CPNE5: variants seen among roughly 807,000 people sequenced by gnomAD.
The protein encoded by CPNE5 is copine 5.
A neutral mutation model predicts 81.1 loss-of-function variants in CPNE5; 42 were observed. The observed-to-expected ratio is 0.52, with a 90% CI of 0.40 to 0.67. The LOEUF (loss-of-function observed/expected upper bound fraction) is 0.67. Ranked by LOEUF, CPNE5 falls within the 30% of genes least tolerant of loss-of-function variation. The probability of loss-of-function intolerance (pLI) is 0.00; values close to 1 mark genes in which losing one functional copy is unlikely to be tolerated. For synonymous variants in CPNE5, 313 were observed against 321.5 expected, an observed-to-expected ratio of 0.97 and a Z score of 0.28; for missense variants, 612 against 815.5, an observed-to-expected ratio of 0.75 and a Z score of 3.04.
At chr6:36,815,472 C>T (rs921028886) in intron 3 of CPNE5, among the ~76,000 whole-genome samples, 1 of 152,172 alleles carries the variant, frequency 6.6e-6, no homozygotes, top group African/African-American at 2.4e-5. Context: ...CATGAATGGG[C>T]TTAGAGTGTG....
Position 36,744,344 on chromosome 6 carries a change from G to A in CPNE5, c.1432-19C>T, listed in dbSNP as rs1345617315. 3 of 1,572,108 alleles carry A rather than the reference G, an allele frequency of 1.9e-6. No individual in the cohort carries two copies. On this transcript the variant is annotated intron_variant, in intron 18 of 20. Coordinates refer to ENST00000244751, the MANE Select transcript of CPNE5 (RefSeq NM_020939.2). ...TGGCAGCCTGGGAGACAGCATGGGG[G>A]GCAGGGAAAGGTTGGACCCAATTGG...
intron 15 of CPNE5, among the ~76,000 whole-genome samples, chr6:36,747,255 C>G (rs964981362): frequency 2.5e-5 from 2 of 78,546 alleles, no homozygotes; most frequent in African/African-American, 4.5e-5. Context: ...CTTGATTTCC[C>G]CCCCCAGAGC....
chr6:36,753,796 C>T (rs1045086196), intron 13 of CPNE5, among the ~76,000 whole-genome samples: 5 of 152,338 alleles, frequency 3.3e-5, no homozygotes, highest in African/African-American at 1.2e-4. Flanking sequence ...AGCTCATTAT[C>T]ATAACAATTT....
At chr6:36,748,099 A>T in intron 15 of CPNE5, 122 bp downstream of exon 15, 1 of 891,820 alleles carries the variant, frequency 1.1e-6, no homozygotes, top group Non-Finnish European at 1.9e-6. Context: ...ACCTAGGTAC[A>T]TCCTCTTTGG....
At chr6:36,799,399 T>A (rs1048987747) in intron 4 of CPNE5, among the ~76,000 whole-genome samples, 2 of 152,084 alleles carry the variant, frequency 1.3e-5, no homozygotes, top group Admixed American at 1.3e-4. Flanking sequence ...CAAAGACTTT[T>A]CAAACCATCC....
chr6:36,828,738 G>T (rs113936259), intron 1 of CPNE5, among the ~76,000 whole-genome samples: 2,999 of 152,300 alleles, frequency 0.02, 79 homozygotes, highest in East Asian at 0.1. Context: ...TCAAGAAAAG[G>T]TGGTGTATCT....
At position 36,758,415 on chromosome 6, in the gene CPNE5, AT is replaced by A. The variant is rs72371807; in HGVS notation, c.856-2118del. Among the ~76,000 whole-genome samples, 414 of 139,998 alleles carry A rather than the reference AT, an allele frequency of 3.0e-3. 5 individuals carry two copies. In the East Asian group the frequency reaches 0.034, roughly 12 times the overall value. 91.8% of individuals were successfully genotyped at this position (139,998 alleles called of 152,430 possible). A position where few individuals can be genotyped will look rare whatever the true frequency, so the allele number is the denominator to read the frequency against. ...CAGGTAGCTGCCACCATGTCTGGCTATTTTTTTTTTTTTGGTAGAGATAGGA... is the reference window on the plus strand; with the variant it reads ...CAGGTAGCTGCCACCATGTCTGGCTATTTTTTTTTTTTGGTAGAGATAGGA... On this transcript the variant is annotated intron_variant, in intron 12 of 20. Transcript: ENST00000244751.
intron 6 of CPNE5, among the ~76,000 whole-genome samples, chr6:36,797,050 G>A (rs901660308): frequency 1.3e-5 from 2 of 152,152 alleles, no homozygotes; most frequent in African/African-American, 2.4e-5. Context: ...GACTACAGGT[G>A]TGCACCACCA....
chr6:36,829,860 AAAAAAAAAAT>A (rs1772835938), intron 1 of CPNE5, among the ~76,000 whole-genome samples: 1 of 147,680 alleles, frequency 6.8e-6, no homozygotes, highest in Non-Finnish European at 1.5e-5. Flanking sequence ...CAAAAAAAAA[AAAAAAAAAAT>A]ACCCAACAGG....
chr6:36,832,203 A>T (rs1432034500), intron 1 of CPNE5, among the ~76,000 whole-genome samples: 2 of 152,218 alleles, frequency 1.3e-5, no homozygotes, highest in East Asian at 3.8e-4. Flanking sequence ...AGCAGGCCTC[A>T]GAGATGCAAA....
At chr6:36,742,797 G>A (rs546823146) in intron 20 of CPNE5, 8 of 985,388 alleles carry the variant, frequency 8.1e-6, no homozygotes, top group South Asian at 4.7e-5. Flanking sequence ...AGGTGCTTCC[G>A]AAATGCCAAC....
rs1763573680 is a variant in CPNE5, at chr6:36,741,308, G to A, written c.*960C>T. ...CTTGTGGTACAGACATGGAAACTGA[G>A]GCCCAAAAGGTAGAAGGGCCTTGCT... On this transcript the variant is annotated 3_prime_UTR_variant, in exon 21 of 21. Transcript: ENST00000244751. 6.6e-6 allele frequency: 1 copy of A among 152,192 alleles called. No homozygotes were observed. Among genetic ancestry groups the A allele is most frequent in the African/African-American group, 2.4e-5 (1 of 41,444 alleles). 9.4% of individuals were successfully genotyped at this position (152,192 alleles called of 1,614,324 possible). A position where few individuals can be genotyped will look rare whatever the true frequency, so the allele number is the denominator to read the frequency against.
intron 20 of CPNE5, chr6:36,743,069 G>A: frequency 1.0e-6 from 1 of 985,364 alleles, no homozygotes; most frequent in Non-Finnish European, 1.2e-6. Context: ...CCCTATGTTT[G>A]GTCTCCACAC....
intron 12 of CPNE5, among the ~76,000 whole-genome samples, chr6:36,756,716 G>C (rs79763907): frequency 1.3e-5 from 2 of 152,204 alleles, no homozygotes; most frequent in Non-Finnish European, 2.9e-5. Flanking sequence ...AATCTCCCCT[G>C]TTCCTCCTTT....
At chr6:36,819,638 G>A (rs1173048059) in intron 3 of CPNE5, among the ~76,000 whole-genome samples, 2 of 152,152 alleles carry the variant, frequency 1.3e-5, no homozygotes, top group Non-Finnish European at 2.9e-5. Flanking sequence ...TATTAAGTCT[G>A]GGAAGGCCTC....
intron 10 of CPNE5, among the ~76,000 whole-genome samples, chr6:36,774,138 C>T (rs1767291181): frequency 6.7e-6 from 1 of 150,326 alleles, no homozygotes; most frequent in Non-Finnish European, 1.5e-5. Flanking sequence ...AATCCCAGCA[C>T]TTTGGGAGGC....
At chr6:36,780,870 G>A (rs972164302) in intron 8 of CPNE5, among the ~76,000 whole-genome samples, 2 of 152,170 alleles carry the variant, frequency 1.3e-5, no homozygotes, top group African/African-American at 4.8e-5. Flanking sequence ...TTACAAATGA[G>A]GAAGCTGGAG....
chr6:36,792,489 C>A lies in CPNE5; in HGVS notation c.465-393G>T, dbSNP rs567892913. 2.7e-4 allele frequency: 243 copies of A among 890,086 alleles called. 1 individual carries two copies. The South Asian group carries it at 2.9e-3, about 11-fold the overall frequency. 55.1% of individuals were successfully genotyped at this position (890,086 alleles called of 1,614,324 possible). ...CATGGGCTAGCCACCCCACCTCACACCCAGCTGACCCCCAGCGTCCCGGGA... is the reference window on the plus strand; with the variant it reads ...CATGGGCTAGCCACCCCACCTCACAACCAGCTGACCCCCAGCGTCCCGGGA... On this transcript the variant is annotated intron_variant, in intron 7 of 20. Coordinates refer to ENST00000244751, the MANE Select transcript of CPNE5 (RefSeq NM_020939.2).
At chr6:36,803,046 C>T (rs545069311) in intron 3 of CPNE5, among the ~76,000 whole-genome samples, 1 of 152,274 alleles carries the variant, frequency 6.6e-6, no homozygotes, top group South Asian at 2.1e-4. Flanking sequence ...CAGAGAAAGA[C>T]TCTGTCTCAC....
Sources: allele counts gnomAD v4.1 joint callset (sites outside exome capture counted in the v4.1 genomes callset), GRCh38; gene constraint gnomAD v4.1.1; transcripts MANE v1.5; gene names NCBI Gene and HGNC (gene_info 2026-07-23, HGNC 2026-07-21).